SERPINA1: variants seen among roughly 807,000 people sequenced by gnomAD.
SERPINA1 encodes the protein alpha-1-antitrypsin.
A neutral mutation model predicts 25.4 loss-of-function variants in SERPINA1; 21 were observed. The ratio of observed to expected loss-of-function variants is 0.83; its 90% CI spans 0.59 to 1.19. The LOEUF (loss-of-function observed/expected upper bound fraction) is 1.19, where lower values mean the gene tolerates loss of function less well. Among genes scored for constraint, SERPINA1 ranks in the 50% most tolerant of loss-of-function variants. The probability of loss-of-function intolerance (pLI) is 0.00; values close to 1 mark genes in which losing one functional copy is unlikely to be tolerated. For synonymous variants in SERPINA1, 218 were observed against 211.1 expected, an observed-to-expected ratio of 1.03 and a Z score of -0.29; for missense variants, 546 against 509.0, an observed-to-expected ratio of 1.07 and a Z score of -0.70.
chr14:94,381,003 C>A lies in SERPINA1; in HGVS notation c.785G>T (p.Trp262Leu). The A allele has an allele frequency of 6.2e-7, 1 of 1,614,116 alleles. No individual in the cohort carries two copies. Among genetic ancestry groups the A allele is most frequent in the Non-Finnish European group, 8.5e-7 (1 of 1,180,042 alleles). ...GCCCAGGTATTTCATCAGCAGCACC[C>A]AGCTGGACAGCTTCTTACAGTGCTG... ...NIQHCKKLSS[W>L]VLLMKYLGNA... Residue 262 changes from tryptophan to leucine, a missense_variant, in exon 3 of 5, where the codon TGG becomes TTG. By Grantham distance (61) the Trp-to-Leu change is moderately conservative. Transcript: ENST00000393087.
At chr14:94,379,269 G>T in intron 4 of SERPINA1, 195 bp downstream of exon 4, 1 of 765,136 alleles carries the variant, frequency 1.3e-6, no homozygotes, top group Non-Finnish European at 2.2e-6. Context: ...AGTGCCAGCT[G>T]CACAGCAGTC....
rs1206424379 is a variant in SERPINA1 at position 94,383,292 on chromosome 14, C to T, written c.-4-51G>A. The T allele has an allele frequency of 4.4e-6, 7 of 1,578,724 alleles. No homozygotes were observed. In the African/African-American group the frequency reaches 9.4e-5, roughly 21 times the overall value. ...GGCCCCGAGTCAAGGCACATGATGA[C>T]TCCCAGTGATCAGGGATTGACACCA... On this transcript the variant is annotated intron_variant, in intron 1 of 4. Transcript: ENST00000393087.
In SERPINA1 at chr14:94,383,184, C is replaced by A. The variant is rs745679666; in HGVS notation, c.54G>T (p.Leu18=). The A allele has an allele frequency of 3.7e-6, 6 of 1,614,016 alleles. No homozygotes were observed. The highest frequency in any genetic ancestry group is 5.1e-6 in the Non-Finnish European group (6 of 1,180,048). ...GILLLAGLCC[L]VPVSLAEDPQ... is the part of the protein sequence containing the mutation. Reference sequence around the variant, plus strand: ...GATCCTCAGCCAGGGAGACAGGGACCAGGCAGCACAGGCCTGCCAGCAGGA... The same window carrying A: ...GATCCTCAGCCAGGGAGACAGGGACAAGGCAGCACAGGCCTGCCAGCAGGA... The change falls in exon 2 of 5, where the codon CTG becomes CTT. Residue 18 remains leucine, a synonymous_variant. Transcript: ENST00000393087.
intron 3 of SERPINA1, among the ~76,000 whole-genome samples, chr14:94,380,332 A>G (rs182955248): frequency 6.6e-6 from 1 of 152,396 alleles, no homozygotes; most frequent in African/African-American, 2.4e-5. Context: ...TTTAAGTATC[A>G]CTTACTACAG....
chr14:94,384,907 G>A (rs1897192660), intron 1 of SERPINA1, among the ~76,000 whole-genome samples: 1 of 152,180 alleles, frequency 6.6e-6, no homozygotes, highest in African/African-American at 2.4e-5. Context: ...TGGCCCTCGT[G>A]CCTCTAAGTA....
At position 94,380,858 on chromosome 14, in the gene SERPINA1, G is replaced by T. The variant is rs780022952; in HGVS notation, c.917+13C>A. On this transcript the variant is annotated intron_variant, in intron 3 of 4. Coordinates refer to ENST00000393087, the MANE Select transcript of SERPINA1 (RefSeq NM_000295.5). ...TGGGCAGCTTCTTGGTCACCCTCAG[G>T]TTGGGGAATCACCTTCTGTCTTCAT... 9 of 1,614,222 alleles carry T rather than the reference G, an allele frequency of 5.6e-6. No individual in the cohort carries two copies. The highest frequency in any genetic ancestry group is 1.3e-5 in the African/African-American group (1 of 75,066).
At chr14:94,390,154 C>A (rs1401090966), upstream of SERPINA1, among the ~76,000 whole-genome samples, 1 of 152,144 alleles carries the variant, frequency 6.6e-6, no homozygotes, top group African/African-American at 2.4e-5. Flanking sequence ...TCCTTTCAGG[C>A]AGCGGGAAAC....
intron 1 of SERPINA1, among the ~76,000 whole-genome samples, chr14:94,385,200 C>A (rs889987657): frequency 2.0e-5 from 3 of 152,234 alleles, no homozygotes; most frequent in African/African-American, 7.2e-5. Flanking sequence ...TGGCTTCTAG[C>A]CCTGGCAGGG....
chr14:94,378,118 C>A lies in SERPINA1; in HGVS notation c.*331G>T, dbSNP rs899205642. The stretch of plus-strand genomic sequence containing the variant: ...GGTATCTGGTTCCTCCCCTGTGATT[C>A]CTTCTTGGGGACTCCAAGACAGGAC... On this transcript the variant is annotated 3_prime_UTR_variant, in exon 5 of 5. Coordinates refer to ENST00000393087, the MANE Select transcript of SERPINA1 (RefSeq NM_000295.5). 3 of 346,074 alleles carry A rather than the reference C, an allele frequency of 8.7e-6. No individual in the cohort carries two copies. The highest frequency in any genetic ancestry group is 1.6e-5 in the Non-Finnish European group (3 of 187,608). 21.4% of individuals were successfully genotyped at this position (346,074 alleles called of 1,614,324 possible).
chr14:94,381,773 C>T (rs2139686826), intron 2 of SERPINA1, among the ~76,000 whole-genome samples: 1 of 152,326 alleles, frequency 6.6e-6, no homozygotes, highest in South Asian at 2.1e-4. Flanking sequence ...CCCACTAAGG[C>T]CACAGCAGAG....
In SERPINA1 at chr14:94,384,585, A is replaced by G. The variant is rs567580548; in HGVS notation, c.-4-1344T>C. Among the ~76,000 whole-genome samples, 33 of 152,296 alleles carry G rather than the reference A, an allele frequency of 2.2e-4. No homozygotes were observed. In the East Asian group the frequency reaches 6.4e-3, roughly 29 times the overall value. On this transcript the variant is annotated intron_variant, in intron 1 of 4. Transcript: ENST00000393087. ...TGATCCTTCTACTCCAGATATGCCC[A>G]GGCTTCGGACCACCAGCCTGCAGCC... is the stretch of plus-strand genomic sequence containing the variant.
In SERPINA1 at chr14:94,378,516, A is replaced by G. The variant is rs1260078376; in HGVS notation, c.1190T>C (p.Leu397Ser). The change falls in exon 5 of 5, where the codon TTA becomes TCA. Residue 397 changes from leucine to serine, a missense_variant. By Grantham distance (145) the Leu-to-Ser change is moderately radical. Coordinates refer to ENST00000393087, the MANE Select transcript of SERPINA1 (RefSeq NM_000295.5). The part of the protein sequence containing the change: ...EVKFNKPFVF[L>S]MIEQNTKSPL... Reference sequence around the variant, plus strand: ...AGACTTGGTATTTTGTTCAATCATTAAGAAGACAAAGGGTTTGTTGAACTT... The same window carrying G: ...AGACTTGGTATTTTGTTCAATCATTGAGAAGACAAAGGGTTTGTTGAACTT... 1 of 1,614,020 alleles carries G rather than the reference A, an allele frequency of 6.2e-7. No homozygotes were observed. The highest frequency in any genetic ancestry group is 8.5e-7 in the Non-Finnish European group (1 of 1,180,024).
At chr14:94,381,376 T>C (rs117715484) in intron 2 of SERPINA1, among the ~76,000 whole-genome samples, 1 of 152,176 alleles carries the variant, frequency 6.6e-6, no homozygotes, top group Non-Finnish European at 1.5e-5. Context: ...AATTTCTACA[T>C]CGTGGCGATG....
chr14:94,390,285 A>ACT (rs1049954682), upstream of SERPINA1: 2 of 151,872 alleles, frequency 1.3e-5, no homozygotes, highest in African/African-American at 4.8e-5. Flanking sequence ...CTCTACATCC[A>ACT]CTCACAGCTC....
chr14:94,385,137 C>T (rs76958558), intron 1 of SERPINA1, among the ~76,000 whole-genome samples: 1,598 of 152,326 alleles, frequency 0.01, 16 homozygotes, highest in Non-Finnish European at 0.015. Context: ...GGAGTTGGGC[C>T]TCTGCAGGGT....
chr14:94,379,753 G>A (rs149753439), intron 3 of SERPINA1, 142 bp from the exon 4 acceptor site: 24 of 1,158,592 alleles, frequency 2.1e-5, no homozygotes, highest in East Asian at 7.5e-5. Flanking sequence ...ATGGGAACTC[G>A]GCTTTGGTTT....
At chr14:94,379,151 C>T in intron 4 of SERPINA1, 1 of 589,006 alleles carries the variant, frequency 1.7e-6, no homozygotes. Context: ...AACAACTTAG[C>T]CCAAACCTTT....
intron 2 of SERPINA1, among the ~76,000 whole-genome samples, chr14:94,381,904 C>T (rs924099513): frequency 1.3e-5 from 2 of 152,200 alleles, no homozygotes; most frequent in African/African-American, 4.8e-5. Flanking sequence ...ACCTCCCCTC[C>T]CCTATGCTGT....
At chr14:94,389,967 A>T (rs1343536020), upstream of SERPINA1, 2 of 152,252 alleles carry the variant, frequency 1.3e-5, no homozygotes, top group Non-Finnish European at 2.9e-5. Context: ...AAAATGCAAC[A>T]GTTCAAGGAA....
Sources: gnomAD v4.1 joint callset for allele counts (sites outside exome capture counted in the v4.1 genomes callset) on GRCh38, gnomAD v4.1.1 for gene constraint, MANE v1.5 for transcripts, NCBI Gene and HGNC (gene_info 2026-07-23, HGNC 2026-07-21) for gene names.